The following DST variants were observed in gnomAD, a reference collection of about 807,000 sequenced individuals.
DST encodes the protein bullous pemphigoid antigen.
A neutral mutation model predicts 875.2 loss-of-function variants in DST; 253 were observed. The ratio of observed to expected loss-of-function variants is 0.29; its 90% CI spans 0.26 to 0.32. DST has a LOEUF of 0.32. Ranked by LOEUF, DST falls within the 10% of genes least tolerant of loss-of-function variation. DST has a pLI of 1.00. For synonymous variants in DST, 3,124 were observed against 3,197.1 expected, an observed-to-expected ratio of 0.98 and a Z score of 0.77; for missense variants, 8,287 against 9,111.6, an observed-to-expected ratio of 0.91 and a Z score of 3.68.
Position 56,569,997 on chromosome 6 carries a change from A to G in DST, c.13737T>C (p.Thr4579=). The change falls in exon 54 of 104, where the codon ACT becomes ACC. Residue 4579 remains threonine (T), a synonymous_variant. Transcript: ENST00000680361. The part of the protein sequence containing the change: ...DTIKEKKEAV[T]SCQEQLDAFQ... ...AAGCATCCAACTGTTCTTGACAAGA[A>G]GTTACAGCTTCTTTTCTACATAACA... 3.8e-6 allele frequency: 6 copies of G among 1,586,166 alleles called. No homozygotes were observed. The highest frequency in any genetic ancestry group is 5.1e-6 in the Non-Finnish European group (6 of 1,171,992).
intron 5 of DST, among the ~76,000 whole-genome samples, chr6:56,729,656 T>G (rs1205973113): frequency 6.6e-6 from 1 of 151,496 alleles, no homozygotes; most frequent in African/African-American, 2.4e-5. Context: ...CCCACAGATG[T>G]GAAATTATTC....
intron 10 of DST, among the ~76,000 whole-genome samples, chr6:56,667,530 A>G (rs1185198743): frequency 1.3e-5 from 2 of 152,230 alleles, no homozygotes; most frequent in Non-Finnish European, 2.9e-5. Flanking sequence ...AATTTCAGCA[A>G]CAAAGAAATC....
At chr6:56,628,318 A>G (rs537719724) in intron 32 of DST, among the ~76,000 whole-genome samples, 157 bp from the exon 33 acceptor site, 1 of 152,250 alleles carries the variant, frequency 6.6e-6, no homozygotes, top group African/African-American at 2.4e-5. Flanking sequence ...CCTGAGGCAC[A>G]CCCCCAAGGG....
At chr6:56,469,816 A>T in intron 97 of DST, 67 bp downstream of exon 97, 1 of 1,363,172 alleles carries the variant, frequency 7.3e-7, no homozygotes, top group Non-Finnish European at 1.0e-6. Context: ...AACAATGGAG[A>T]TCAAATTGTA....
intron 9 of DST, among the ~76,000 whole-genome samples, chr6:56,678,516 C>T (rs572186645): frequency 2.0e-5 from 3 of 152,078 alleles, no homozygotes; most frequent in Non-Finnish European, 4.4e-5. Flanking sequence ...GATAGATTAA[C>T]TAGAGAAAAA....
At chr6:56,763,714 CACACACACACA>C (rs1388934891) in intron 4 of DST, among the ~76,000 whole-genome samples, 2 of 147,954 alleles carry the variant, frequency 1.4e-5, no homozygotes, top group African/African-American at 5.0e-5. Flanking sequence ...CACACACACA[CACACACACACA>C]TATAGGGATG....
chr6:56,717,558 G>A lies in DST; in HGVS notation c.688-13189C>T, dbSNP rs1487476833. Among the ~76,000 whole-genome samples the A allele has an allele frequency of 5.9e-5, 9 of 152,284 alleles. No homozygotes were observed. In the South Asian group the frequency reaches 8.3e-4, roughly 14 times the overall value. Reference sequence around the variant, plus strand: ...GTTACCCATCATTATTCCAGAGGTCGTAAGATATGCAGCTTCCCCAATTAC... The same window carrying A: ...GTTACCCATCATTATTCCAGAGGTCATAAGATATGCAGCTTCCCCAATTAC... On this transcript the variant is annotated intron_variant, in intron 5 of 103. Coordinates refer to ENST00000680361, the MANE Select transcript of DST (RefSeq NM_001374736.1).
At chr6:56,940,404 G>A (rs1815861525) in intron 2 of DST, among the ~76,000 whole-genome samples, 1 of 151,660 alleles carries the variant, frequency 6.6e-6, no homozygotes, top group Non-Finnish European at 1.5e-5. Flanking sequence ...ATAAACCTCT[G>A]GACCACAAGA....
chr6:56,589,297 C>G (rs1480957379), intron 49 of DST, among the ~76,000 whole-genome samples: 2 of 152,162 alleles, frequency 1.3e-5, no homozygotes, highest in Non-Finnish European at 2.9e-5. Flanking sequence ...TGCCTTTACT[C>G]TTGACAATTA....
At chr6:56,781,123 T>C (rs1288045092) in intron 4 of DST, among the ~76,000 whole-genome samples, 1 of 152,222 alleles carries the variant, frequency 6.6e-6, no homozygotes, top group Non-Finnish European at 1.5e-5. Context: ...TTTTGGTTAC[T>C]GTAGCCTTGT....
In DST at chr6:56,490,410, G is replaced by A. The variant is rs541402914; in HGVS notation, c.20758-801C>T. On this transcript the variant is annotated intron_variant, in intron 85 of 103. Coordinates refer to ENST00000680361, the MANE Select transcript of DST (RefSeq NM_001374736.1). Reference sequence around the variant, plus strand: ...ATTATTTGTCACAATAAGCTTAAGTGAACAGATACCTAACAAAAAATTTAG... The same window carrying A: ...ATTATTTGTCACAATAAGCTTAAGTAAACAGATACCTAACAAAAAATTTAG... Among the ~76,000 whole-genome samples the A allele has an allele frequency of 4.6e-5, 7 of 152,186 alleles. No homozygotes were observed. In the South Asian group the frequency reaches 1.2e-3, roughly 27 times the overall value.
chr6:56,523,445 C>A (rs2096742318), intron 69 of DST, among the ~76,000 whole-genome samples: 1 of 152,076 alleles, frequency 6.6e-6, no homozygotes, highest in Non-Finnish European at 1.5e-5. Context: ...GAGAAGGTAT[C>A]TGTATGTTCC....
intron 3 of DST, among the ~76,000 whole-genome samples, chr6:56,869,318 T>TA: frequency 6.6e-6 from 1 of 152,174 alleles, no homozygotes; most frequent in Non-Finnish European, 1.5e-5. Flanking sequence ...GAAAAATTCT[T>TA]AGAGGCTAGA....
chr6:56,799,575 C>A (rs909867210), intron 4 of DST, among the ~76,000 whole-genome samples: 1 of 145,200 alleles, frequency 6.9e-6, no homozygotes, highest in Non-Finnish European at 1.5e-5. Flanking sequence ...TGACCTTCAG[C>A]ATTTTTTTTT....
intron 69 of DST, among the ~76,000 whole-genome samples, chr6:56,520,631 A>G (rs952649318): frequency 2.0e-5 from 3 of 152,166 alleles, no homozygotes; most frequent in Admixed American, 6.6e-5. Flanking sequence ...TTTAATTTTA[A>G]TAAGACATTG....
chr6:56,867,638 G>A (rs1228748011), intron 3 of DST, among the ~76,000 whole-genome samples: 1 of 152,132 alleles, frequency 6.6e-6, no homozygotes, highest in Non-Finnish European at 1.5e-5. Flanking sequence ...TGGCCAACAT[G>A]GTGAAACCCC....
At chr6:56,946,364 G>C (rs1203679273) in intron 2 of DST, among the ~76,000 whole-genome samples, 1 of 152,202 alleles carries the variant, frequency 6.6e-6, no homozygotes, top group East Asian at 1.9e-4. Flanking sequence ...TTAAATTGAG[G>C]AATAAGTGAG....
chr6:56,885,082 T>C (rs1164015177), intron 3 of DST, among the ~76,000 whole-genome samples: 1 of 152,172 alleles, frequency 6.6e-6, no homozygotes, highest in African/African-American at 2.4e-5. Flanking sequence ...AAGTTTGTGA[T>C]TGATGGTTTC....
At chr6:56,602,558 T>C (rs1362881626) in intron 43 of DST, among the ~76,000 whole-genome samples, 1 of 151,958 alleles carries the variant, frequency 6.6e-6, no homozygotes, top group African/African-American at 2.4e-5. Context: ...CAAATATTAT[T>C]ATGTATTTAC....
Sources: allele counts gnomAD v4.1 joint callset (sites outside exome capture counted in the v4.1 genomes callset), GRCh38; gene constraint gnomAD v4.1.1; transcripts MANE v1.5; gene names NCBI Gene and HGNC (gene_info 2026-07-23, HGNC 2026-07-21).